CD83: variants seen among roughly 807,000 people sequenced by gnomAD.
The protein encoded by CD83 is CD83 molecule, also known as CD83 antigen.
Under a neutral mutation model 24.6 loss-of-function variants are expected in CD83, and 22 were observed. That is an observed-to-expected ratio of 0.90 (90% CI 0.64 to 1.28). The LOEUF (loss-of-function observed/expected upper bound fraction) is 1.28. CD83 is among the 50% of genes most tolerant of loss of function. The pLI, the probability that CD83 is intolerant of heterozygous loss-of-function variation, is 0.00. For missense variants in CD83, 253 were observed against 252.8 expected (o/e 1.00, Z -0.01); for synonymous variants, 101 against 103.5 (o/e 0.98, Z 0.14).
At chr6:14,133,457 G>T (rs1757973326) in intron 3 of CD83, among the ~76,000 whole-genome samples, 192 bp from the exon 4 acceptor site, 1 of 152,222 alleles carries the variant, frequency 6.6e-6, no homozygotes, top group Non-Finnish European at 1.5e-5. Flanking sequence ...GTCGCATGCA[G>T]CCAGACACAG....
In CD83 at chr6:14,136,701, T is replaced by C. The variant is rs1215505803; in HGVS notation, c.*1465T>C. The C allele has an allele frequency of 1.3e-5, 2 of 152,218 alleles. No homozygotes were observed. The highest frequency in any genetic ancestry group is 2.9e-5 in the Non-Finnish European group (2 of 68,038). The allele number at this position is 152,218 out of a possible 1,614,324, so 9.4% of individuals were successfully genotyped here. On this transcript the variant is annotated 3_prime_UTR_variant, in exon 5 of 5. Transcript: ENST00000379153. ...AGAAAGGGTGTTTTTCTGTTTTATATTCAACTCATAAGACTTTGGGATAGG... is the reference window on the plus strand; with the variant it reads ...AGAAAGGGTGTTTTTCTGTTTTATACTCAACTCATAAGACTTTGGGATAGG...
At chr6:14,128,081 A>T (rs1759862471) in intron 2 of CD83, among the ~76,000 whole-genome samples, 1 of 152,178 alleles carries the variant, frequency 6.6e-6, no homozygotes, top group African/African-American at 2.4e-5. Flanking sequence ...ATGTTTAAAG[A>T]GCTGTTCTTG....
intron 2 of CD83, among the ~76,000 whole-genome samples, chr6:14,128,985 T>C (rs1581331535): frequency 6.6e-6 from 1 of 152,240 alleles, no homozygotes. Flanking sequence ...GCCATCTTTA[T>C]GTAAATAGAC....
At position 14,135,291 on chromosome 6, in the gene CD83, C is replaced by T; in HGVS notation, c.*55C>T. On this transcript the variant is annotated 3_prime_UTR_variant, in exon 5 of 5. Coordinates refer to ENST00000379153, the MANE Select transcript of CD83 (RefSeq NM_004233.4). ...AGCTGAGGCTCAGGGGTGTGCCTGT[C>T]TGTTACACTGGAGGAGAGAAGAATG... 2 of 1,574,376 alleles carry T rather than the reference C, an allele frequency of 1.3e-6. No homozygotes were observed. Among genetic ancestry groups the T allele is most frequent in the Non-Finnish European group, 1.7e-6 (2 of 1,152,432 alleles).
intron 4 of CD83, among the ~76,000 whole-genome samples, chr6:14,134,413 GA>G (rs1362483863): frequency 2.0e-5 from 3 of 152,186 alleles, no homozygotes; most frequent in Non-Finnish European, 4.4e-5. Flanking sequence ...CTGTGTTGAT[GA>G]TGGTTGTGGG....
intron 2 of CD83, among the ~76,000 whole-genome samples, chr6:14,124,343 C>T (rs559046029): frequency 2.0e-5 from 3 of 152,162 alleles, no homozygotes; most frequent in African/African-American, 4.8e-5. Flanking sequence ...TCGGTATTAC[C>T]GATAGAATTG....
chr6:14,120,808 A>G (rs928177683), intron 2 of CD83, among the ~76,000 whole-genome samples: 8 of 152,244 alleles, frequency 5.3e-5, no homozygotes, highest in African/African-American at 1.9e-4. Flanking sequence ...TGTGTTTTTT[A>G]TCATATGCCT....
At chr6:14,130,793 A>G (rs1251904174) in intron 2 of CD83, among the ~76,000 whole-genome samples, 1 of 152,242 alleles carries the variant, frequency 6.6e-6, no homozygotes, top group African/African-American at 2.4e-5. Flanking sequence ...CATCTCCCCA[A>G]GTCCGGCTGG....
rs1024306263 is a variant in CD83 at position 14,136,820 on chromosome 6, C to G, written c.*1584C>G. The G allele has an allele frequency of 8.6e-5, 13 of 152,044 alleles. No individual in the cohort carries two copies. The highest frequency in any genetic ancestry group is 1.0e-4 in the Non-Finnish European group (7 of 68,014). 9.4% of individuals were successfully genotyped at this position (152,044 alleles called of 1,614,324 possible). On this transcript the variant is annotated 3_prime_UTR_variant, in exon 5 of 5. Coordinates refer to ENST00000379153, the MANE Select transcript of CD83 (RefSeq NM_004233.4). ...ATGTAAGTTTACCTATGTAACAAAC[C>G]TGCACTTATACCCATGAACTTAAAA...
chr6:14,131,791 T>C, intron 3 of CD83, 43 bp downstream of exon 3: 1 of 1,325,582 alleles, frequency 7.5e-7, no homozygotes, highest in Non-Finnish European at 1.1e-6. Flanking sequence ...GAACAATGCA[T>C]GTGTACTTCC....
rs1480726679 is a variant in CD83, at chr6:14,135,154, G to A, written c.536G>A (p.Gly179Asp). ...QSIFPDFSKA[G>D]MERAFLPVTS... is the part of the protein sequence containing the mutation. ...ATCTTCCCAGATTTTTCTAAAGCTG[G>A]CATGGAACGAGCTTTTCTCCCAGTT... The change falls in exon 5 of 5, where the codon GGC becomes GAC. Residue 179 changes from glycine (G) to aspartate (D), a missense_variant. Physicochemically the swap from Gly to Asp is moderately conservative, Grantham distance 94. Coordinates refer to ENST00000379153, the MANE Select transcript of CD83 (RefSeq NM_004233.4). 6.2e-7 allele frequency: 1 copy of A among 1,614,062 alleles called. No homozygotes were observed. The highest frequency in any genetic ancestry group is 8.5e-7 in the Non-Finnish European group (1 of 1,179,942).
At chr6:14,119,521 G>A (rs553842208) in intron 2 of CD83, among the ~76,000 whole-genome samples, 1 of 152,242 alleles carries the variant, frequency 6.6e-6, no homozygotes, top group South Asian at 2.1e-4. Flanking sequence ...TACTTTACAG[G>A]TGAGGAAACT....
upstream of CD83, chr6:14,117,588 CGACGGG>C (rs1759556567): frequency 6.5e-6 from 1 of 154,164 alleles, no homozygotes; most frequent in Non-Finnish European, 1.1e-5. This position sits in a 1 kb window ranked among gnomAD's most constrained non-coding sequence, Gnocchi z 4.6. Flanking sequence ...GCGGCGGGTG[CGACGGG>C]GGCGGGGACG....
Position 14,135,434 on chromosome 6 carries a change from A to G in CD83, c.*198A>G, listed in dbSNP as rs780949732. Reference sequence around the variant, plus strand: ...GAAAACCATCACATGACCACATAGCATGAGGCCACTGCTGCTTCTCCATGG... The same window carrying G: ...GAAAACCATCACATGACCACATAGCGTGAGGCCACTGCTGCTTCTCCATGG... On this transcript the variant is annotated 3_prime_UTR_variant, in exon 5 of 5. Transcript: ENST00000379153. 2.6e-5 allele frequency: 14 copies of G among 547,934 alleles called. No homozygotes were observed. The highest frequency in any genetic ancestry group is 4.2e-5 in the Non-Finnish European group (13 of 311,776). 33.9% of individuals were successfully genotyped at this position (547,934 alleles called of 1,614,324 possible). A position where few individuals can be genotyped will look rare whatever the true frequency, so the allele number is the denominator to read the frequency against.
chr6:14,131,679 T>G lies in CD83; in HGVS notation c.313T>G (p.Tyr105Asp). Residue 105 changes from tyrosine (Y) to aspartate (D), a missense_variant, in exon 3 of 5, where the codon TAC (tyrosine) becomes GAC (aspartate). Transcript: ENST00000379153. Reference sequence around the variant, plus strand: ...CACTACCAGCTGCAACTCGGGGACATACAGGTGCACTCTGCAGGACCCGGA... The same window carrying G: ...CACTACCAGCTGCAACTCGGGGACAGACAGGTGCACTCTGCAGGACCCGGA... ...RNTTSCNSGT[Y>D]RCTLQDPDGQ... 1 of 1,614,154 alleles carries G rather than the reference T, an allele frequency of 6.2e-7. No homozygotes were observed. The highest frequency in any genetic ancestry group is 8.5e-7 in the Non-Finnish European group (1 of 1,180,032).
In CD83 at chr6:14,133,638, C is replaced by CT; in HGVS notation, c.383-5dup. 1.3e-6 allele frequency: 2 copies of CT among 1,563,646 alleles called. No individual in the cohort carries two copies. Among genetic ancestry groups the CT allele is most frequent in the Non-Finnish European group, 1.7e-6 (2 of 1,150,968 alleles). ...TTAAAATGGCTTCACATGTCGCTTACTTTTTTAAAGGATGCCCTGCACAGC... is the reference window on the plus strand; with the variant it reads ...TTAAAATGGCTTCACATGTCGCTTACTTTTTTTAAAGGATGCCCTGCACAGC... On this transcript the variant is annotated splice_polypyrimidine_tract_variant and intron_variant, in intron 3 of 4. Coordinates refer to ENST00000379153, the MANE Select transcript of CD83 (RefSeq NM_004233.4).
chr6:14,129,456 T>G lies in CD83; in HGVS notation c.154-2064T>G, dbSNP rs1381243163. 1.3e-5 allele frequency among the ~76,000 whole-genome samples: 2 copies of G among 152,224 alleles called. No individual in the cohort carries two copies. The highest frequency in any genetic ancestry group is 2.9e-5 in the Non-Finnish European group (2 of 68,044). ...GTGCTAAATTAGATGTGTTCTGGAA[T>G]CAGATGGACACTGTTAGTTTCCTCT... On this transcript the variant is annotated intron_variant, in intron 2 of 4. Transcript: ENST00000379153. The surrounding 1 kb of genome is among the most constrained non-coding windows in gnomAD (Gnocchi z 4.3).
intron 2 of CD83, among the ~76,000 whole-genome samples, chr6:14,126,665 A>G (rs577724544): frequency 6.6e-6 from 1 of 152,242 alleles, no homozygotes; most frequent in South Asian, 2.1e-4. Context: ...ATTAATGCTC[A>G]TACATTCTAC....
intron 2 of CD83, among the ~76,000 whole-genome samples, chr6:14,124,024 T>G (rs1028123957): frequency 2.6e-5 from 4 of 152,224 alleles, no homozygotes; most frequent in East Asian, 1.9e-4. Flanking sequence ...TAACCCTAAA[T>G]TTTGTATCAA....
Sources: gnomAD v4.1 joint callset for allele counts (sites outside exome capture counted in the v4.1 genomes callset) on GRCh38, gnomAD v4.1.1 for gene constraint, Gnocchi (gnomAD v3.1) non-coding constraint, MANE v1.5 for transcripts, NCBI Gene and HGNC (gene_info 2026-07-23, HGNC 2026-07-21) for gene names.